The following RIMS3 variants were observed in gnomAD, a reference collection of about 807,000 sequenced individuals.
RIMS3 encodes regulating synaptic membrane exocytosis 3.
A neutral mutation model predicts 29.2 loss-of-function variants in RIMS3; 15 were observed. That is an observed-to-expected ratio of 0.51 (90% CI 0.34 to 0.79). RIMS3 has a LOEUF of 0.79. Among genes scored for constraint, RIMS3 ranks in the 30% least tolerant of loss-of-function variants. The pLI, the probability that RIMS3 is intolerant of heterozygous loss-of-function variation, is 0.01. For missense variants in RIMS3, 342 were observed against 421.4 expected (o/e 0.81, Z 1.65); for synonymous variants, 161 against 170.1 (o/e 0.95, Z 0.41).
At chr1:40,664,782 T>A (rs1228642661) in intron 1 of RIMS3, among the ~76,000 whole-genome samples, 5 of 152,060 alleles carry the variant, frequency 3.3e-5, no homozygotes, top group Non-Finnish European at 7.4e-5. Flanking sequence ...CTCCTCCCTA[T>A]GAATGAGAGC....
In RIMS3 at chr1:40,637,215, A is replaced by G. The variant is rs1483697705; in HGVS notation, c.218-1158T>C. Among the ~76,000 whole-genome samples, 10 of 152,300 alleles carry G rather than the reference A, an allele frequency of 6.6e-5. No homozygotes were observed. The East Asian group carries it at 1.7e-3, about 26-fold the overall frequency. On this transcript the variant is annotated intron_variant, in intron 3 of 7. Transcript: ENST00000372684. ...TGGCAATTCTCTCCCACCACACCCA[A>G]TGGTGGGCTGGGGAGGGGATGTTCA...
intron 2 of RIMS3, 97 bp from the exon 3 acceptor site, chr1:40,642,053 C>CT (rs2148350407): frequency 1.4e-6 from 1 of 718,770 alleles, no homozygotes; most frequent in Admixed American, 2.3e-5. Flanking sequence ...GGGCTAGTCA[C>CT]TTGACCTCTC....
At chr1:40,672,474 A>G in the RIMS3 span, among the ~76,000 whole-genome samples, 1 of 152,176 alleles carries the variant, frequency 6.6e-6, no homozygotes, top group South Asian at 2.1e-4. Context: ...CTGGGATTAC[A>G]GGCGTGAGCC....
At chr1:40,651,229 G>A (rs1293473503) in intron 1 of RIMS3, among the ~76,000 whole-genome samples, 1 of 152,178 alleles carries the variant, frequency 6.6e-6, no homozygotes, top group Non-Finnish European at 1.5e-5. Flanking sequence ...GCTGGAGAAG[G>A]GTGGGTCCCT....
At chr1:40,668,817 C>G (rs1642457812), upstream of RIMS3, among the ~76,000 whole-genome samples, 1 of 152,144 alleles carries the variant, frequency 6.6e-6, no homozygotes, top group South Asian at 2.1e-4. Context: ...ATCCTGGTTG[C>G]CCCCTACCCT....
At chr1:40,643,843 G>A (rs553905518) in intron 2 of RIMS3, among the ~76,000 whole-genome samples, 33 of 152,256 alleles carry the variant, frequency 2.2e-4, no homozygotes, top group African/African-American at 7.9e-4. Context: ...GAAATGGAAC[G>A]ACTGGATCAG....
At chr1:40,690,852 T>C in the RIMS3 span, 1 of 152,364 alleles carries the variant, frequency 6.6e-6, no homozygotes, top group East Asian at 1.9e-4. Context: ...TCTCTGCGCT[T>C]GTTACCTAAT....
At chr1:40,639,007 G>A (rs1646539125) in intron 3 of RIMS3, among the ~76,000 whole-genome samples, 1 of 152,138 alleles carries the variant, frequency 6.6e-6, no homozygotes, top group African/African-American at 2.4e-5. Flanking sequence ...AGAGGAGGGT[G>A]GTGCAATCGT....
chr1:40,669,852 A>T (rs570495014), upstream of RIMS3, among the ~76,000 whole-genome samples: 1 of 152,308 alleles, frequency 6.6e-6, no homozygotes, highest in East Asian at 1.9e-4. Flanking sequence ...CCTCCTTTGC[A>T]GATGCTTTCT....
rs561455990 is a variant in RIMS3, at chr1:40,641,758, G to T, written c.168C>A (p.Ile56=). The part of the protein sequence containing the change: ...RSSLGAKMVA[I]VGLTQWSKST... ...TCTTGCTCCACTGAGTCAGGCCCACGATGGCCACCATCTTGGCACCCAGGC... is the reference window on the plus strand; with the variant it reads ...TCTTGCTCCACTGAGTCAGGCCCACTATGGCCACCATCTTGGCACCCAGGC... Residue 56 remains isoleucine, a synonymous_variant, in exon 3 of 8, where the codon ATC becomes ATA. Transcript: ENST00000372684. 1 of 1,613,804 alleles carries T rather than the reference G, an allele frequency of 6.2e-7. No homozygotes were observed. Among genetic ancestry groups the T allele is most frequent in the African/African-American group, 1.3e-5 (1 of 74,916 alleles).
intron 1 of RIMS3, among the ~76,000 whole-genome samples, chr1:40,659,218 C>A (rs1324962091): frequency 1.3e-5 from 2 of 152,154 alleles, no homozygotes; most frequent in East Asian, 3.9e-4. Flanking sequence ...AGTGCAGATG[C>A]ACAGAGACCC....
chr1:40,685,557 G>A, the RIMS3 span, among the ~76,000 whole-genome samples: 3 of 151,778 alleles, frequency 2.0e-5, no homozygotes, highest in African/African-American at 7.3e-5. Flanking sequence ...AGGAGTCCTT[G>A]AGTCAAAGTC....
Position 40,623,839 on chromosome 1 carries a change from C to T in RIMS3, c.*2678G>A, listed in dbSNP as rs1324429416. On this transcript the variant is annotated 3_prime_UTR_variant, in exon 8 of 8. Transcript: ENST00000372684. ...GTGCAGCCACACTGCATCACACAGA[C>T]GTGTCAGCCTCACACAACTTTACCC... 5 of 290,072 alleles carry T rather than the reference C, an allele frequency of 1.7e-5. No homozygotes were observed. The highest frequency in any genetic ancestry group is 5.7e-5 in the East Asian group (1 of 17,394). The allele number at this position is 290,072 out of a possible 1,614,324, so 18.0% of individuals were successfully genotyped here. A position where few individuals can be genotyped will look rare whatever the true frequency, so the allele number is the denominator to read the frequency against.
At position 40,622,009 on chromosome 1, in the gene RIMS3, C is replaced by G. The variant is rs1386742204; in HGVS notation, c.*4508G>C. On this transcript the variant is annotated 3_prime_UTR_variant, in exon 8 of 8. Coordinates refer to ENST00000372684, the MANE Select transcript of RIMS3 (RefSeq NM_014747.3). ...ATGCAACTTTCTCTCACTGATGTGG[C>G]TTCCCTCACAGGCACAGCCATGCTG... 6.6e-6 allele frequency: 1 copy of G among 152,640 alleles called. No homozygotes were observed. Among genetic ancestry groups the G allele is most frequent in the East Asian group, 1.9e-4 (1 of 5,198 alleles). 9.5% of individuals were successfully genotyped at this position (152,640 alleles called of 1,614,324 possible). A position where few individuals can be genotyped will look rare whatever the true frequency, so the allele number is the denominator to read the frequency against.
the RIMS3 span, among the ~76,000 whole-genome samples, chr1:40,671,218 G>A: frequency 7.9e-5 from 12 of 152,306 alleles, no homozygotes; most frequent in Middle Eastern, 3.4e-3. Context: ...CACCAAGACA[G>A]GGAAGCCTGA....
intron 5 of RIMS3, among the ~76,000 whole-genome samples, chr1:40,631,727 C>T (rs1384404794): frequency 1.3e-5 from 2 of 151,726 alleles, no homozygotes; most frequent in Non-Finnish European, 1.5e-5. Context: ...TGCCTGTAAT[C>T]CCGGTACTTT....
the RIMS3 span, among the ~76,000 whole-genome samples, chr1:40,682,741 C>CTTTTTTTTTTT: frequency 3.0e-3 from 233 of 77,488 alleles, 47 homozygotes; most frequent in East Asian, 7.8e-3. Context: ...CTTTGCAGAT[C>CTTTTTTTTTTT]TTTTTTTTTT....
the RIMS3 span, among the ~76,000 whole-genome samples, chr1:40,683,587 T>C: frequency 6.6e-6 from 1 of 152,136 alleles, no homozygotes; most frequent in East Asian, 1.9e-4. Context: ...ATTTCCTTTG[T>C]TTATAAATTA....
upstream of RIMS3, chr1:40,669,285 G>A (rs941980464): frequency 1.3e-5 from 2 of 152,122 alleles, no homozygotes; most frequent in African/African-American, 4.8e-5. Context: ...TTTGATGGAC[G>A]GAAACTGAGG....
Sources: gnomAD v4.1 joint callset for allele counts (sites outside exome capture counted in the v4.1 genomes callset) on GRCh38, gnomAD v4.1.1 for gene constraint, MANE v1.5 for transcripts, NCBI Gene and HGNC (gene_info 2026-07-23, HGNC 2026-07-21) for gene names.